ADAM23: variants seen among roughly 807,000 people sequenced by gnomAD.
ADAM23 encodes the protein ADAM metallopeptidase domain 23.
Under a neutral mutation model 120.1 loss-of-function variants are expected in ADAM23, and 33 were observed. The ratio of observed to expected loss-of-function variants is 0.27; its 90% CI spans 0.21 to 0.37. ADAM23 has a LOEUF of 0.37. Ranked by LOEUF, ADAM23 falls within the 10% of genes least tolerant of loss-of-function variation. The pLI is 1.00. For missense variants in ADAM23, 862 were observed against 1,058.2 expected, an observed-to-expected ratio of 0.81 and a Z score of 2.57; for synonymous variants, 367 against 375.2, an observed-to-expected ratio of 0.98 and a Z score of 0.25.
At chr2:206,601,647 G>T (rs1043494706) in intron 24 of ADAM23, among the ~76,000 whole-genome samples, 4 of 151,842 alleles carry the variant, frequency 2.6e-5, no homozygotes, top group Non-Finnish European at 5.9e-5. Context: ...GGTGGCATGT[G>T]CCCATAGTCC....
At chr2:206,468,954 C>T (rs766005732) in intron 2 of ADAM23, among the ~76,000 whole-genome samples, 30 of 152,200 alleles carry the variant, frequency 2.0e-4, no homozygotes, top group Middle Eastern at 3.4e-3. Context: ...AGAGATGGGA[C>T]GAGGTGCCAC....
Position 206,507,180 on chromosome 2 carries a change from T to G in ADAM23, c.510-23705T>G, listed in dbSNP as rs892702253. Among the ~76,000 whole-genome samples, 5 of 152,196 alleles carry G rather than the reference T, an allele frequency of 3.3e-5. No individual in the cohort carries two copies. The South Asian group carries it at 1.0e-3, about 31-fold the overall frequency. Reference sequence around the variant, plus strand: ...AAACTATGACATCCCATATGATAAGTTGCAGTCAGATGCTTGCATGGTAGG... The same window carrying G: ...AAACTATGACATCCCATATGATAAGGTGCAGTCAGATGCTTGCATGGTAGG... On this transcript the variant is annotated intron_variant, in intron 3 of 25. Transcript: ENST00000264377.
chr2:206,473,624 G>A (rs576732020), intron 2 of ADAM23, among the ~76,000 whole-genome samples: 3 of 146,326 alleles, frequency 2.1e-5, no homozygotes, highest in Non-Finnish European at 4.6e-5. Flanking sequence ...CAACAATAAC[G>A]ATTCTTATTT....
chr2:206,526,200 C>T (rs1472606272), intron 3 of ADAM23, among the ~76,000 whole-genome samples: 3 of 149,984 alleles, frequency 2.0e-5, no homozygotes, highest in Non-Finnish European at 4.5e-5. Flanking sequence ...AGACACACGT[C>T]TATACACATA....
chr2:206,469,005 C>T (rs1026272952), intron 2 of ADAM23, among the ~76,000 whole-genome samples: 5 of 152,116 alleles, frequency 3.3e-5, no homozygotes, highest in Non-Finnish European at 7.3e-5. Context: ...CTCACTACTG[C>T]GATGACAGCT....
chr2:206,537,337 G>T (rs1435411774), intron 4 of ADAM23, among the ~76,000 whole-genome samples: 1 of 152,042 alleles, frequency 6.6e-6, no homozygotes, highest in Non-Finnish European at 1.5e-5. Context: ...GTCTCTGTGC[G>T]CGTGGCTCCT....
intron 3 of ADAM23, among the ~76,000 whole-genome samples, chr2:206,488,876 A>G (rs1696068569): frequency 6.6e-6 from 1 of 152,134 alleles, no homozygotes; most frequent in African/African-American, 2.4e-5. Context: ...GCCCAAAAGC[A>G]CCAAACTCCT....
intron 16 of ADAM23, among the ~76,000 whole-genome samples, chr2:206,571,526 C>T (rs1177141399): frequency 6.6e-6 from 1 of 152,024 alleles, no homozygotes; most frequent in African/African-American, 2.4e-5. Context: ...CTATTGAAGT[C>T]CTTTCATAGA....
intron 3 of ADAM23, among the ~76,000 whole-genome samples, chr2:206,484,160 G>T (rs1672062032): frequency 6.6e-6 from 1 of 152,182 alleles, no homozygotes; most frequent in African/African-American, 2.4e-5. Flanking sequence ...GTCCTGCACT[G>T]GTGTGAAGCT....
At chr2:206,511,772 T>A (rs2105900720) in intron 3 of ADAM23, among the ~76,000 whole-genome samples, 1 of 152,358 alleles carries the variant, frequency 6.6e-6, no homozygotes, top group South Asian at 2.1e-4. Flanking sequence ...TTTCTTTCTG[T>A]AGGGAATGTG....
At chr2:206,576,294 C>T (rs1399456886) in intron 18 of ADAM23, among the ~76,000 whole-genome samples, 4 of 151,730 alleles carry the variant, frequency 2.6e-5, no homozygotes, top group Non-Finnish European at 5.9e-5. Context: ...GTATTCAGCC[C>T]TTTTAGAGGT....
At chr2:206,588,809 A>G (rs1194760183) in intron 20 of ADAM23, among the ~76,000 whole-genome samples, 2 of 152,260 alleles carry the variant, frequency 1.3e-5, no homozygotes, top group Admixed American at 1.3e-4. Flanking sequence ...GAAAGCACAC[A>G]GAATGAGAAC....
intron 4 of ADAM23, among the ~76,000 whole-genome samples, chr2:206,536,602 G>T (rs896736254): frequency 6.6e-6 from 1 of 152,060 alleles, no homozygotes; most frequent in Non-Finnish European, 1.5e-5. Flanking sequence ...CACGCCACAC[G>T]CTTAAAACGT....
At chr2:206,544,828 G>A (rs988484605) in intron 6 of ADAM23, among the ~76,000 whole-genome samples, 13 of 152,014 alleles carry the variant, frequency 8.6e-5, no homozygotes, top group African/African-American at 3.1e-4. Context: ...TAGCCAGGAT[G>A]GAGTTAAATT....
chr2:206,452,910 G>T (rs952956677), intron 2 of ADAM23, among the ~76,000 whole-genome samples: 1 of 152,088 alleles, frequency 6.6e-6, no homozygotes, highest in Non-Finnish European at 1.5e-5. Context: ...TCTGCATTGT[G>T]TTCTTGTCAT....
chr2:206,550,434 A>T (rs956965923), intron 9 of ADAM23, among the ~76,000 whole-genome samples: 1 of 151,920 alleles, frequency 6.6e-6, no homozygotes, highest in African/African-American at 2.4e-5. Flanking sequence ...ACTTTTCTTC[A>T]TCTATGTATT....
In ADAM23 at chr2:206,592,752, T is replaced by C; in HGVS notation, c.2078+16T>C. The C allele has an allele frequency of 6.2e-7, 1 of 1,612,666 alleles. No homozygotes were observed. Among genetic ancestry groups the C allele is most frequent in the Non-Finnish European group, 8.5e-7 (1 of 1,179,296 alleles). ...TTGACTGCAGGTAACATATTAAATATTAGAAGACCTAATAAGCCATGAGAA... is the reference window on the plus strand; with the variant it reads ...TTGACTGCAGGTAACATATTAAATACTAGAAGACCTAATAAGCCATGAGAA... On this transcript the variant is annotated intron_variant, in intron 22 of 25. Transcript: ENST00000264377.
intron 5 of ADAM23, 100 bp downstream of exon 5, chr2:206,542,234 T>C: frequency 3.4e-6 from 4 of 1,176,314 alleles, no homozygotes; most frequent in Non-Finnish European, 5.0e-6. Context: ...AGTGCTGTGT[T>C]AGGGACTGCA....
At chr2:206,452,403 T>C (rs1460080829) in intron 2 of ADAM23, among the ~76,000 whole-genome samples, 1 of 152,202 alleles carries the variant, frequency 6.6e-6, no homozygotes, top group Admixed American at 6.5e-5. Flanking sequence ...TGCTCACGGG[T>C]TGACTCATTC....
Sources: allele counts gnomAD v4.1 joint callset (sites outside exome capture counted in the v4.1 genomes callset), GRCh38; gene constraint gnomAD v4.1.1; transcripts MANE v1.5; gene names NCBI Gene and HGNC (gene_info 2026-07-23, HGNC 2026-07-21).